The following RPL32 variants were observed in gnomAD, a reference collection of about 807,000 sequenced individuals.
The protein encoded by RPL32 is large ribosomal subunit protein eL32.
For missense variants in RPL32, 117 were observed against 173.7 expected (o/e 0.67, Z 1.83); for synonymous variants, 61 against 62.6 (o/e 0.98, Z 0.12).
Position 12,835,101 on chromosome 3 carries a change from A to G in RPL32, c.*993T>C, listed in dbSNP as rs916353395. Reference sequence around the variant, plus strand: ...GGTTACAGAAAAACATCCTGTAAGCATTTCTGTCTCATAAGTACCACATCC... The same window carrying G: ...GGTTACAGAAAAACATCCTGTAAGCGTTTCTGTCTCATAAGTACCACATCC... On this transcript the variant is annotated 3_prime_UTR_variant, in exon 4 of 4. Coordinates refer to ENST00000429711, the MANE Select transcript of RPL32 (RefSeq NM_000994.4). 4 of 152,200 alleles carry G rather than the reference A, an allele frequency of 2.6e-5. No homozygotes were observed. Among genetic ancestry groups the G allele is most frequent in the Admixed American group, 6.5e-5 (1 of 15,276 alleles). The allele number at this position is 152,200 out of a possible 1,614,324, so 9.4% of individuals were successfully genotyped here.
chr3:12,841,478 A>G lies in RPL32; in HGVS notation c.-6+16T>C, dbSNP rs2062151975. On this transcript the variant is annotated intron_variant, in intron 1 of 3. Transcript: ENST00000429711. ...GAATCCCGCAGGAATGCGGATTGCC[A>G]CGGATTAACACTTACCGAGAAGGAG... 1 of 152,228 alleles carries G rather than the reference A, an allele frequency of 6.6e-6. No homozygotes were observed. Among genetic ancestry groups the G allele is most frequent in the East Asian group, 1.9e-4 (1 of 5,190 alleles). 9.4% of individuals were successfully genotyped at this position (152,228 alleles called of 1,614,324 possible).
intron 3 of RPL32, among the ~76,000 whole-genome samples, chr3:12,836,619 T>C (rs2062102108): frequency 6.6e-6 from 1 of 152,122 alleles, no homozygotes; most frequent in Non-Finnish European, 1.5e-5. Context: ...CTTTGCAAAA[T>C]GGTCAAGAGC....
Position 12,836,564 on chromosome 3 carries a change from C to A in RPL32, c.279-341G>T, listed in dbSNP as rs571171629. ...CCACACTCCAGGTTCAAAGGTTCTC[C>A]CCCAGTCACAGGGTGCTTGACCTTG... On this transcript the variant is annotated intron_variant, in intron 3 of 3. Coordinates refer to ENST00000429711, the MANE Select transcript of RPL32 (RefSeq NM_000994.4). Among the ~76,000 whole-genome samples, 8 of 152,260 alleles carry A rather than the reference C, an allele frequency of 5.3e-5. No homozygotes were observed. The South Asian group carries it at 1.7e-3, about 32-fold the overall frequency.
intron 3 of RPL32, 99 bp from the exon 4 acceptor site, chr3:12,836,322 G>T: frequency 1.4e-6 from 2 of 1,447,562 alleles, no homozygotes; most frequent in Non-Finnish European, 1.9e-6. Flanking sequence ...GCTAAGAGAG[G>T]GCTGCTTGGT....
At chr3:12,836,960 G>A (rs995670083) in intron 3 of RPL32, among the ~76,000 whole-genome samples, 5 of 152,198 alleles carry the variant, frequency 3.3e-5, no homozygotes, top group Admixed American at 3.3e-4. Context: ...TGAGGCAGTG[G>A]ACACACAGCT....
chr3:12,840,078 T>C (rs1484447658), intron 2 of RPL32, 64 bp downstream of exon 2: 8 of 1,118,468 alleles, frequency 7.2e-6, no homozygotes, highest in Non-Finnish European at 1.1e-5. Flanking sequence ...GACTAGGTGA[T>C]GTCAGAAACT....
chr3:12,837,783 G>C (rs1424066798), intron 3 of RPL32, among the ~76,000 whole-genome samples: 2 of 152,264 alleles, frequency 1.3e-5, no homozygotes, highest in East Asian at 3.9e-4. Context: ...AGTTTACTTA[G>C]GAAAATTCAG....
chr3:12,839,859 A>T (rs376950219), intron 2 of RPL32, among the ~76,000 whole-genome samples: 3 of 152,368 alleles, frequency 2.0e-5, no homozygotes, highest in South Asian at 4.1e-4. Context: ...TCTATAAAAT[A>T]GGGATCCTGC....
rs1344629541 is a variant in RPL32 at position 12,840,449 on chromosome 3, T to C, written c.-5-207A>G. Reference sequence around the variant, plus strand: ...ACTCTCCAGATGCGATCCCAGGAGGTCAAGGGTCACCTCACCCACTCAGAG... The same window carrying C: ...ACTCTCCAGATGCGATCCCAGGAGGCCAAGGGTCACCTCACCCACTCAGAG... On this transcript the variant is annotated intron_variant, in intron 1 of 3. Coordinates refer to ENST00000429711, the MANE Select transcript of RPL32 (RefSeq NM_000994.4). The C allele has an allele frequency of 1.7e-5, 12 of 696,970 alleles. No individual in the cohort carries two copies. The African/African-American group carries it at 1.7e-4, about 10-fold the overall frequency. 43.2% of individuals were successfully genotyped at this position (696,970 alleles called of 1,614,324 possible). A position where few individuals can be genotyped will look rare whatever the true frequency, so the allele number is the denominator to read the frequency against.
In RPL32 at chr3:12,839,581, C is replaced by G. The variant is rs759482665; in HGVS notation, c.97-51G>C. 8 of 1,574,872 alleles carry G rather than the reference C, an allele frequency of 5.1e-6. No homozygotes were observed. In the African/African-American group the frequency reaches 9.4e-5, roughly 19 times the overall value. ...TTAGCGTCTGTGCAGAGTGCGAACT[C>G]TTCCTTTTGGGGAGGGAAAAAAAGG... On this transcript the variant is annotated intron_variant, in intron 2 of 3. Coordinates refer to ENST00000429711, the MANE Select transcript of RPL32 (RefSeq NM_000994.4).
chr3:12,839,728 A>AC, intron 2 of RPL32, 198 bp from the exon 3 acceptor site: 1 of 631,614 alleles, frequency 1.6e-6, no homozygotes, highest in Non-Finnish European at 2.8e-6. Flanking sequence ...GGATGAAGGC[A>AC]CCCCCACCAT....
Position 12,835,837 on chromosome 3 carries a change from C to G in RPL32, c.*257G>C, listed in dbSNP as rs1338497446. On this transcript the variant is annotated 3_prime_UTR_variant, in exon 4 of 4. Coordinates refer to ENST00000429711, the MANE Select transcript of RPL32 (RefSeq NM_000994.4). ...AACCTACCTGGTGTGAGGGCCAAGT[C>G]TGTACCCCTCATACCCAGCCTCAAC... is the stretch of plus-strand genomic sequence containing the variant. The G allele has an allele frequency of 1.1e-5, 5 of 470,956 alleles. No homozygotes were observed. The highest frequency in any genetic ancestry group is 3.9e-6 in the Non-Finnish European group (1 of 258,820). The allele number at this position is 470,956 out of a possible 1,614,324, so 29.2% of individuals were successfully genotyped here.
At chr3:12,839,642 C>A in intron 2 of RPL32, 112 bp from the exon 3 acceptor site, 1 of 1,058,006 alleles carries the variant, frequency 9.5e-7, no homozygotes, top group Non-Finnish European at 1.5e-6. Flanking sequence ...ACAGTAGTTG[C>A]CTTTGGTAAC....
chr3:12,838,624 T>C (rs1200665943), intron 3 of RPL32, among the ~76,000 whole-genome samples: 1 of 151,894 alleles, frequency 6.6e-6, no homozygotes, highest in East Asian at 1.9e-4. Context: ...TGTTTGACCT[T>C]CTCCCGCTTG....
intron 2 of RPL32, 74 bp from the exon 3 acceptor site, chr3:12,839,604 A>C (rs761918493): frequency 2.1e-6 from 3 of 1,416,020 alleles, no homozygotes; most frequent in Admixed American, 1.7e-5. Context: ...AGGGAAAAAA[A>C]GGACCAAATG....
chr3:12,838,062 G>A (rs1445839918), intron 3 of RPL32, among the ~76,000 whole-genome samples: 1 of 152,180 alleles, frequency 6.6e-6, no homozygotes, highest in East Asian at 1.9e-4. Flanking sequence ...GATCACAGCT[G>A]TGAACAGCCA....
Position 12,839,529 on chromosome 3 carries a change from C to T in RPL32, c.98G>A (p.Arg33His), listed in dbSNP as rs11553822. 3,799 of 1,614,000 alleles carry T rather than the reference C, an allele frequency of 2.4e-3. 9 individuals are homozygous for T. Among genetic ancestry groups the T allele is most frequent in the Admixed American group, 3.2e-3 (193 of 60,004 alleles). The change falls in exon 3 of 4, where the codon CGT becomes CAT. Residue 33 changes from arginine to histidine, a missense_variant and splice_region_variant. Coordinates refer to ENST00000429711, the MANE Select transcript of RPL32 (RefSeq NM_000994.4). ...HQSDRYVKIK[R>H]NWRKPRGIDN... is the part of the protein sequence containing the mutation. ...AATGCCTCTGGGTTTCCGCCAGTTA[C>T]GCTGAAGGAAATAATACACAGGTGG...
chr3:12,840,523 T>A (rs547477659), intron 1 of RPL32: 18 of 562,922 alleles, frequency 3.2e-5, no homozygotes, highest in Admixed American at 1.3e-4. Context: ...CCCAAGACAC[T>A]CTCAATTTGC....
At chr3:12,840,267 G>A (rs371220242) in intron 1 of RPL32, 25 bp from the exon 2 acceptor site, 98 of 1,535,416 alleles carry the variant, frequency 6.4e-5, no homozygotes, top group Non-Finnish European at 8.1e-5. Context: ...GCGGCCCCAG[G>A]TGAGGAAGAA....
Sources: gnomAD v4.1 joint callset for allele counts (sites outside exome capture counted in the v4.1 genomes callset) on GRCh38, gnomAD v4.1.1 for gene constraint, MANE v1.5 for transcripts, NCBI Gene and HGNC (gene_info 2026-07-23, HGNC 2026-07-21) for gene names.